The following RAB2A variants were observed in gnomAD, a reference collection of about 807,000 sequenced individuals.
The protein encoded by RAB2A is ras-related protein Rab-2A.
In RAB2A, 7 loss-of-function variants were observed where a neutral mutation model predicts 32.5. That is an observed-to-expected ratio of 0.22 (90% confidence interval 0.12 to 0.40). The LOEUF (loss-of-function observed/expected upper bound fraction) is 0.40, where lower values mean the gene tolerates loss of function less well. Among genes scored for constraint, RAB2A ranks in the 10% least tolerant of loss-of-function variants. The pLI is 1.00. For synonymous variants in RAB2A, 79 were observed against 85.2 expected, an observed-to-expected ratio of 0.93 and a Z score of 0.40; for missense variants, 108 against 260.7, an observed-to-expected ratio of 0.41 and a Z score of 4.03.
intron 1 of RAB2A, among the ~76,000 whole-genome samples, chr8:60,524,715 T>G (rs1586059903): frequency 1.3e-5 from 2 of 152,216 alleles, no homozygotes; most frequent in Non-Finnish European, 2.9e-5. Flanking sequence ...TTAGTCACTC[T>G]CCGGGGAGTC....
intron 1 of RAB2A, among the ~76,000 whole-genome samples, chr8:60,528,056 A>G (rs2130808424): frequency 6.6e-6 from 1 of 152,316 alleles, no homozygotes; most frequent in South Asian, 2.1e-4. Context: ...ACAGTTCCTG[A>G]TTCCCATAAA....
At chr8:60,552,233 C>T (rs2130826354) in intron 1 of RAB2A, 1 of 152,176 alleles carries the variant, frequency 6.6e-6, no homozygotes, top group African/African-American at 2.4e-5. Flanking sequence ...GAACTCCTGA[C>T]CTCGTGATCC....
intron 6 of RAB2A, among the ~76,000 whole-genome samples, chr8:60,608,014 T>C (rs1241178634): frequency 1.3e-5 from 2 of 152,250 alleles, no homozygotes; most frequent in Non-Finnish European, 2.9e-5. Context: ...TTTTCTCACC[T>C]GTCTTCATAG....
chr8:60,524,293 C>T (rs1044493986), intron 1 of RAB2A, among the ~76,000 whole-genome samples: 2 of 152,146 alleles, frequency 1.3e-5, no homozygotes, highest in Admixed American at 6.5e-5. Context: ...AGTAGCCAGT[C>T]AGTTTGATGT....
At chr8:60,566,460 GTTTT>G (rs1052878922) in intron 2 of RAB2A, among the ~76,000 whole-genome samples, 1 of 151,828 alleles carries the variant, frequency 6.6e-6, no homozygotes, top group African/African-American at 2.4e-5. Flanking sequence ...GGGATAACTA[GTTTT>G]TTTGTTTTTT....
At chr8:60,523,115 T>C (rs2130804849) in intron 1 of RAB2A, among the ~76,000 whole-genome samples, 1 of 152,048 alleles carries the variant, frequency 6.6e-6, no homozygotes, top group Middle Eastern at 3.4e-3. Context: ...TTAATAGTTT[T>C]AAAGAATAAT....
At chr8:60,596,507 A>G (rs1205683425) in intron 6 of RAB2A, among the ~76,000 whole-genome samples, 1 of 152,270 alleles carries the variant, frequency 6.6e-6, no homozygotes, top group Admixed American at 6.5e-5. Flanking sequence ...ACACTTTTCA[A>G]AAGAAGACAT....
chr8:60,584,844 G>T (rs1563478121), intron 5 of RAB2A, 29 bp downstream of exon 5: 15 of 1,496,220 alleles, frequency 1.0e-5, no homozygotes, highest in Non-Finnish European at 1.4e-5. Context: ...AGCTTACATT[G>T]CATTAGTGAT....
At chr8:60,549,226 C>A (rs1447751766) in intron 1 of RAB2A, among the ~76,000 whole-genome samples, 1 of 152,182 alleles carries the variant, frequency 6.6e-6, no homozygotes, top group Non-Finnish European at 1.5e-5. Context: ...CTCCTCACTT[C>A]CCAGACGGGG....
intron 6 of RAB2A, among the ~76,000 whole-genome samples, chr8:60,595,094 TA>T (rs57246160): frequency 0.15 from 22,683 of 152,098 alleles, 1,850 homozygotes; most frequent in East Asian, 0.26. Context: ...CAGATTTGCA[TA>T]AAAGAATGGC....
rs141935857 is a variant in RAB2A, at chr8:60,584,907, G to GT, written c.362+94dup. ...TTCCTTAACATTTGTTCAAATGTGAGTTACCAGCCTCTTAAATTATAAAAT... is the reference window on the plus strand; with the variant it reads ...TTCCTTAACATTTGTTCAAATGTGAGTTTACCAGCCTCTTAAATTATAAAAT... On this transcript the variant is annotated intron_variant, in intron 5 of 7. Transcript: ENST00000262646. 1.2e-3 allele frequency: 957 copies of GT among 823,874 alleles called. 6 individuals carry two copies. In the African/African-American group the frequency reaches 0.015, roughly 13 times the overall value. The allele number at this position is 823,874 out of a possible 1,614,324, so 51.0% of individuals were successfully genotyped here.
chr8:60,531,552 G>A (rs1282991686), intron 1 of RAB2A, among the ~76,000 whole-genome samples: 3 of 152,134 alleles, frequency 2.0e-5, no homozygotes, highest in Non-Finnish European at 4.4e-5. Flanking sequence ...TATCTGTTGA[G>A]CATCCTAAAA....
At position 60,533,953 on chromosome 8, in the gene RAB2A, ACT is replaced by A. The variant is rs1345484839; in HGVS notation, c.46+16703_46+16704del. ...ACTCCAGCCTGGGCGACAGAGCAAG[ACT>A]CTGTCTCAAAAACAAAACAAAACAA... On this transcript the variant is annotated intron_variant, in intron 1 of 7. Coordinates refer to ENST00000262646, the MANE Select transcript of RAB2A (RefSeq NM_002865.3). Among the ~76,000 whole-genome samples the A allele has an allele frequency of 6.6e-5, 10 of 152,202 alleles. No homozygotes were observed. In the East Asian group the frequency reaches 9.7e-4, roughly 15 times the overall value.
intron 6 of RAB2A, among the ~76,000 whole-genome samples, chr8:60,599,335 T>G (rs1804090184): frequency 6.6e-6 from 1 of 152,198 alleles, no homozygotes. Context: ...TTTGGAATAT[T>G]CAACCTTGTA....
chr8:60,589,070 C>G (rs142544787), intron 5 of RAB2A, among the ~76,000 whole-genome samples: 1 of 152,126 alleles, frequency 6.6e-6, no homozygotes, highest in East Asian at 1.9e-4. Flanking sequence ...TTTAGTCTTT[C>G]TATGATGGAA....
chr8:60,556,433 C>T (rs1427955439), intron 1 of RAB2A, among the ~76,000 whole-genome samples: 3 of 151,888 alleles, frequency 2.0e-5, no homozygotes, highest in Non-Finnish European at 2.9e-5. Flanking sequence ...GATTGATTTA[C>T]ACATTGTATA....
At chr8:60,603,871 AAG>A (rs1334643033) in intron 6 of RAB2A, among the ~76,000 whole-genome samples, 2 of 152,184 alleles carry the variant, frequency 1.3e-5, no homozygotes, top group Non-Finnish European at 2.9e-5. Context: ...AAAAGACAGA[AAG>A]AGAGGGAGAG....
intron 1 of RAB2A, among the ~76,000 whole-genome samples, chr8:60,546,195 A>G (rs138191122): frequency 3.9e-4 from 60 of 152,336 alleles, no homozygotes; most frequent in African/African-American, 1.4e-3. Context: ...TTGTTTAGGA[A>G]AACAAGTAAA....
intron 3 of RAB2A, among the ~76,000 whole-genome samples, chr8:60,579,402 T>G (rs1479341453): frequency 6.6e-6 from 1 of 152,226 alleles, no homozygotes; most frequent in East Asian, 1.9e-4. Flanking sequence ...GAACTTACTG[T>G]CCACTCTGGC....
Sources: allele counts gnomAD v4.1 joint callset (sites outside exome capture counted in the v4.1 genomes callset), GRCh38; gene constraint gnomAD v4.1.1; transcripts MANE v1.5; gene names NCBI Gene and HGNC (gene_info 2026-07-23, HGNC 2026-07-21).